MAPK14: variants seen among roughly 807,000 people sequenced by gnomAD.
MAPK14 encodes CSAID-binding protein.
In MAPK14, 16 loss-of-function variants were observed where a neutral mutation model predicts 49.6. The ratio of observed to expected loss-of-function variants is 0.32; its 90% confidence interval spans 0.22 to 0.49. MAPK14 has a LOEUF of 0.49. Among genes scored for constraint, MAPK14 ranks in the 20% least tolerant of loss-of-function variants. The pLI, the probability that MAPK14 is intolerant of heterozygous loss-of-function variation, is 0.99. For missense variants in MAPK14, 200 were observed against 441.2 expected, an observed-to-expected ratio of 0.45 and a Z score of 4.90; for synonymous variants, 142 against 158.0, an observed-to-expected ratio of 0.90 and a Z score of 0.76.
intron 3 of MAPK14, among the ~76,000 whole-genome samples, chr6:36,065,156 C>G (rs1763995369): frequency 6.6e-6 from 1 of 152,224 alleles, no homozygotes; most frequent in Non-Finnish European, 1.5e-5. Flanking sequence ...TCACTGTTTA[C>G]TCCTTACCCT....
intron 1 of MAPK14, among the ~76,000 whole-genome samples, chr6:36,045,272 T>C (rs761639286): frequency 1.2e-4 from 18 of 152,244 alleles, no homozygotes; most frequent in Non-Finnish European, 2.2e-4. Context: ...TATTATATTC[T>C]TTTAAAGATG....
At chr6:36,073,843 T>G (rs1439409037) in intron 5 of MAPK14, 123 bp downstream of exon 5, 10 of 1,087,902 alleles carry the variant, frequency 9.2e-6, no homozygotes, top group South Asian at 2.8e-5. Flanking sequence ...GCAACTTTAC[T>G]GTAGGTTTAA....
the MAPK14 span, among the ~76,000 whole-genome samples, chr6:36,124,079 G>A: frequency 2.0e-5 from 3 of 148,590 alleles, no homozygotes; most frequent in Admixed American, 6.7e-5. Context: ...GTGGGGGAGG[G>A]TGCCTTTTCT....
intron 10 of MAPK14, among the ~76,000 whole-genome samples, chr6:36,104,761 G>A (rs1005082770): frequency 4.6e-5 from 7 of 152,200 alleles, no homozygotes; most frequent in African/African-American, 1.7e-4. Context: ...GAACAGGGCA[G>A]TACTCACTGA....
At chr6:36,043,804 C>CTTTTTTTTTTTTTT (rs796534477) in intron 1 of MAPK14, among the ~76,000 whole-genome samples, 1 of 90,396 alleles carries the variant, frequency 1.1e-5, no homozygotes, top group Non-Finnish European at 2.1e-5. Context: ...CTTTTTCTTT[C>CTTTTTTTTTTTTTT]TTTTTTTTTT....
At chr6:36,104,035 A>G (rs1765723435) in intron 10 of MAPK14, among the ~76,000 whole-genome samples, 1 of 152,194 alleles carries the variant, frequency 6.6e-6, no homozygotes. Flanking sequence ...TAAGTACTTC[A>G]TCCATAGTGA....
chr6:36,027,847 C>T lies in MAPK14; in HGVS notation c.-311C>T. The T allele has an allele frequency of 2.5e-6, 1 of 402,530 alleles. No homozygotes were observed. Among genetic ancestry groups the T allele is most frequent in the Non-Finnish European group, 4.4e-6 (1 of 228,918 alleles). The allele number at this position is 402,530 out of a possible 1,614,324, so 24.9% of individuals were successfully genotyped here. ...GGGCGCAGCAGCTGGAACGGGAGTA[C>T]TGCGACGCAGCCCGGAGTCGGCCTT... On this transcript the variant is annotated 5_prime_UTR_variant, in exon 1 of 12. Coordinates refer to ENST00000229794, the MANE Select transcript of MAPK14 (RefSeq NM_139012.3).
chr6:36,123,108 G>A, the MAPK14 span, among the ~76,000 whole-genome samples: 1 of 152,006 alleles, frequency 6.6e-6, no homozygotes, highest in African/African-American at 2.4e-5. Context: ...GGGAGGGAGA[G>A]AGGGAGGGAG....
chr6:36,059,361 T>C lies in MAPK14; in HGVS notation c.305+14T>C. ...ATTCAATGATGTGTGAGTAAATTTT[T>C]TGCATTTGCCTTCCTGGTCTACAGA... On this transcript the variant is annotated intron_variant, in intron 3 of 11. Coordinates refer to ENST00000229794, the MANE Select transcript of MAPK14 (RefSeq NM_139012.3). 1 of 1,602,652 alleles carries C rather than the reference T, an allele frequency of 6.2e-7. No individual in the cohort carries two copies. The highest frequency in any genetic ancestry group is 1.3e-5 in the African/African-American group (1 of 74,632).
intron 1 of MAPK14, among the ~76,000 whole-genome samples, chr6:36,029,952 A>G (rs934068071): frequency 2.9e-5 from 4 of 136,182 alleles, no homozygotes; most frequent in Admixed American, 1.4e-4. Context: ...CAGTATATAC[A>G]TATTATATAT....
chr6:36,049,220 T>C (rs957307108), intron 1 of MAPK14, among the ~76,000 whole-genome samples: 1 of 152,158 alleles, frequency 6.6e-6, no homozygotes, highest in Non-Finnish European at 1.5e-5. Flanking sequence ...TGTGTAGATG[T>C]GTGCTTCTCA....
chr6:36,067,195 C>G (rs1488396875), intron 3 of MAPK14, among the ~76,000 whole-genome samples: 2 of 151,964 alleles, frequency 1.3e-5, no homozygotes, highest in Non-Finnish European at 2.9e-5. Context: ...AAGATGCCAC[C>G]TTTTTCTCAG....
At chr6:36,094,393 C>T (rs1052887226) in intron 8 of MAPK14, among the ~76,000 whole-genome samples, 9 of 152,184 alleles carry the variant, frequency 5.9e-5, no homozygotes, top group African/African-American at 1.9e-4. Context: ...CACCTATAGA[C>T]TGTACATAAA....
At chr6:36,083,631 C>T (rs961671822) in intron 8 of MAPK14, among the ~76,000 whole-genome samples, 8 of 152,198 alleles carry the variant, frequency 5.3e-5, no homozygotes. Context: ...ACTCATCCCC[C>T]TACACGGGGC....
At chr6:36,090,326 C>T (rs1236997592) in intron 8 of MAPK14, among the ~76,000 whole-genome samples, 1 of 151,622 alleles carries the variant, frequency 6.6e-6, no homozygotes, top group Non-Finnish European at 1.5e-5. Flanking sequence ...TTCAAATACT[C>T]TTTCTTTTTT....
At chr6:36,037,020 G>T (rs566103951) in intron 1 of MAPK14, among the ~76,000 whole-genome samples, 3 of 152,206 alleles carry the variant, frequency 2.0e-5, no homozygotes, top group African/African-American at 7.2e-5. Flanking sequence ...AGAGTAATAG[G>T]TATGAGCCAC....
chr6:36,077,423 G>A (rs1019244569), intron 8 of MAPK14, among the ~76,000 whole-genome samples: 2 of 151,566 alleles, frequency 1.3e-5, no homozygotes, highest in South Asian at 2.1e-4. Flanking sequence ...CCTTCAGGTG[G>A]TTTTGGTTAG....
chr6:36,092,783 G>A, intron 8 of MAPK14: 1 of 243,564 alleles, frequency 4.1e-6, no homozygotes, highest in Non-Finnish European at 8.2e-6. Context: ...CAAGACATCG[G>A]CACCTCCCGA....
chr6:36,062,760 C>T (rs545800999), intron 3 of MAPK14, among the ~76,000 whole-genome samples: 4 of 150,556 alleles, frequency 2.7e-5, no homozygotes, highest in African/African-American at 7.3e-5. Context: ...CAGGTTCAAG[C>T]GATTCTCCTA....
Sources: gnomAD v4.1 joint callset for allele counts (sites outside exome capture counted in the v4.1 genomes callset) on GRCh38, gnomAD v4.1.1 for gene constraint, MANE v1.5 for transcripts, NCBI Gene and HGNC (gene_info 2026-07-23, HGNC 2026-07-21) for gene names.